Variants in CNTN1 observed in about 807,000 individuals in gnomAD.
The protein encoded by CNTN1 is contactin 1.
CNTN1 carries 38 observed loss-of-function variants against 126.4 expected under a neutral mutation model. The observed-to-expected ratio is 0.30, with a 90% CI of 0.23 to 0.39. The LOEUF (loss-of-function observed/expected upper bound fraction) is 0.39. CNTN1 is among the 10% of genes least tolerant of loss of function. The probability of loss-of-function intolerance (pLI) is 1.00; values close to 1 mark genes in which losing one functional copy is unlikely to be tolerated. For synonymous variants in CNTN1, 413 were observed against 422.6 expected, an observed-to-expected ratio of 0.98 and a Z score of 0.28; for missense variants, 1,009 against 1,248.4, an observed-to-expected ratio of 0.81 and a Z score of 2.89.
chr12:40,787,693 A>G (rs1169435415), intron 1 of CNTN1, among the ~76,000 whole-genome samples: 2 of 52,678 alleles, frequency 3.8e-5, no homozygotes, highest in African/African-American at 6.1e-5. Flanking sequence ...AAATAAAATA[A>G]CTGTGAATTT....
chr12:40,899,748 G>T (rs967845391), intron 1 of CNTN1, among the ~76,000 whole-genome samples: 1 of 152,024 alleles, frequency 6.6e-6, no homozygotes, highest in Non-Finnish European at 1.5e-5. Context: ...AAAATATTAA[G>T]ACTATTCTTC....
intron 23 of CNTN1, among the ~76,000 whole-genome samples, chr12:41,034,426 ACTCC>A (rs1283182190): frequency 6.6e-6 from 1 of 152,040 alleles, no homozygotes; most frequent in African/African-American, 2.4e-5. Flanking sequence ...TATATGTTTA[ACTCC>A]ATCACTACTC....
At chr12:40,709,801 G>A (rs957514745) in intron 1 of CNTN1, among the ~76,000 whole-genome samples, 7 of 152,170 alleles carry the variant, frequency 4.6e-5, no homozygotes, top group Admixed American at 4.6e-4. Context: ...ATGGAAGAGA[G>A]TCAGGGCCTT....
intron 1 of CNTN1, among the ~76,000 whole-genome samples, chr12:40,831,909 C>T (rs1034545665): frequency 2.6e-5 from 4 of 152,132 alleles, no homozygotes; most frequent in Non-Finnish European, 4.4e-5. Flanking sequence ...AAACGTTCTA[C>T]TGTCATAGGA....
At chr12:41,028,383 G>A (rs1050428679) in intron 22 of CNTN1, among the ~76,000 whole-genome samples, 10 of 152,072 alleles carry the variant, frequency 6.6e-5, no homozygotes, top group Admixed American at 4.6e-4. Flanking sequence ...ATCAGATAAC[G>A]TAGTGCCATG....
At chr12:40,857,431 G>C (rs958873282) in intron 1 of CNTN1, among the ~76,000 whole-genome samples, 17 of 152,180 alleles carry the variant, frequency 1.1e-4, no homozygotes, top group Middle Eastern at 3.4e-3. Flanking sequence ...AGAGGTTTGT[G>C]GGCAGTGGAG....
intron 1 of CNTN1, among the ~76,000 whole-genome samples, chr12:40,861,041 C>T (rs149561542): frequency 0.014 from 2,135 of 152,186 alleles, 30 homozygotes; most frequent in Non-Finnish European, 0.023. Context: ...ATCTATGTTA[C>T]CACTCAGGGT....
At chr12:40,757,478 G>A (rs1475958694) in intron 1 of CNTN1, among the ~76,000 whole-genome samples, 1 of 152,118 alleles carries the variant, frequency 6.6e-6, no homozygotes, top group African/African-American at 2.4e-5. Flanking sequence ...AAGTATAAAG[G>A]TAAGGCTTGC....
chr12:40,904,163 C>T (rs1015905308), intron 1 of CNTN1, among the ~76,000 whole-genome samples: 33 of 151,286 alleles, frequency 2.2e-4, no homozygotes, highest in Admixed American at 1.6e-3. Flanking sequence ...GGACTACAGG[C>T]GCCTGCCACC....
chr12:40,740,814 A>C (rs1042596509), intron 1 of CNTN1, among the ~76,000 whole-genome samples: 3 of 152,074 alleles, frequency 2.0e-5, no homozygotes, highest in African/African-American at 7.2e-5. Flanking sequence ...GGTTTTATAA[A>C]GGGCAGTTCC....
intron 15 of CNTN1, among the ~76,000 whole-genome samples, chr12:40,963,786 C>T (rs1283993036): frequency 6.6e-6 from 1 of 151,948 alleles, no homozygotes; most frequent in Non-Finnish European, 1.5e-5. Flanking sequence ...CGGGTTGCCT[C>T]GTCAAAGTAA....
At chr12:40,708,533 T>A (rs891928674) in intron 1 of CNTN1, among the ~76,000 whole-genome samples, 25 of 152,198 alleles carry the variant, frequency 1.6e-4, no homozygotes, top group African/African-American at 5.8e-4. Flanking sequence ...TGCCAAAGGT[T>A]GGGGTGGCTG....
chr12:41,030,697 G>A (rs1447860268), intron 23 of CNTN1, among the ~76,000 whole-genome samples: 1 of 151,636 alleles, frequency 6.6e-6, no homozygotes, highest in Non-Finnish European at 1.5e-5. Context: ...CTTTCTTCTG[G>A]TTAAATTTAA....
intron 1 of CNTN1, among the ~76,000 whole-genome samples, chr12:40,744,985 C>T (rs1938120874): frequency 6.6e-6 from 1 of 152,066 alleles, no homozygotes; most frequent in South Asian, 2.1e-4. Flanking sequence ...TGGACTGTAG[C>T]AATGTATAAT....
chr12:40,852,360 G>C (rs1394439292), intron 1 of CNTN1, among the ~76,000 whole-genome samples: 2 of 152,062 alleles, frequency 1.3e-5, no homozygotes, highest in African/African-American at 4.8e-5. Flanking sequence ...TTGGCTTTTG[G>C]GTTGATCAGC....
chr12:40,821,798 GA>G (rs1941448123), intron 1 of CNTN1, among the ~76,000 whole-genome samples: 1 of 151,950 alleles, frequency 6.6e-6, no homozygotes, highest in African/African-American at 2.4e-5. Context: ...AATAGAATTG[GA>G]TGACATTAGA....
rs71078294 is a variant in CNTN1, at chr12:41,007,045, G to GTTTT, written c.2114-7154_2114-7151dup. On this transcript the variant is annotated intron_variant, in intron 17 of 23. Transcript: ENST00000551295. The stretch of plus-strand genomic sequence containing the variant: ...TGGCAGTTAAAAGCAGTTTTGTGTG[G>GTTTT]TTTTTTTTTTTTTTTTTTTTTTTTT... Among the ~76,000 whole-genome samples the GTTTT allele has an allele frequency of 1.4e-3, 97 of 69,250 alleles. 2 individuals are homozygous for GTTTT. Among genetic ancestry groups the GTTTT allele is most frequent in the Non-Finnish European group, 1.8e-3 (72 of 39,712 alleles). The allele number at this position is 69,250 out of a possible 152,430, so 45.4% of individuals were successfully genotyped here.
chr12:40,995,703 TACA>T (rs1948196313), intron 17 of CNTN1, among the ~76,000 whole-genome samples: 1 of 152,182 alleles, frequency 6.6e-6, no homozygotes, highest in Non-Finnish European at 1.5e-5. Flanking sequence ...CAGAGTAAGA[TACA>T]ACCTTGTAGT....
At chr12:40,860,317 T>A (rs1048570078) in intron 1 of CNTN1, among the ~76,000 whole-genome samples, 4 of 152,190 alleles carry the variant, frequency 2.6e-5, no homozygotes, top group Admixed American at 2.6e-4. Flanking sequence ...TGGTGCAATA[T>A]GTGTGATGTC....
Sources: gnomAD v4.1 joint callset for allele counts (sites outside exome capture counted in the v4.1 genomes callset) on GRCh38, gnomAD v4.1.1 for gene constraint, MANE v1.5 for transcripts, NCBI Gene and HGNC (gene_info 2026-07-23, HGNC 2026-07-21) for gene names.